COL6A6: variants seen among roughly 807,000 people sequenced by gnomAD.
COL6A6 encodes the protein collagen type VI alpha 6 chain.
A neutral mutation model predicts 208.6 loss-of-function variants in COL6A6; 183 were observed. The observed-to-expected ratio is 0.88, with a 90% CI of 0.78 to 0.99. The LOEUF (loss-of-function observed/expected upper bound fraction) is 0.99. Ranked by LOEUF, COL6A6 falls within the 50% of genes least tolerant of loss-of-function variation. The pLI, the probability that COL6A6 is intolerant of heterozygous loss-of-function variation, is 0.00. For synonymous variants in COL6A6, 973 were observed against 1,011.8 expected (o/e 0.96, Z 0.73); for missense variants, 2,816 against 2,815.2 (o/e 1.00, Z -0.01).
chr3:130,673,867 A>C (rs952640004), intron 36 of COL6A6, among the ~76,000 whole-genome samples: 1 of 152,108 alleles, frequency 6.6e-6, no homozygotes, highest in Non-Finnish European at 1.5e-5. Context: ...TGAGGCAGGA[A>C]GATCACTTGA....
rs1320345355 is a variant in COL6A6 at position 130,649,257 on chromosome 3, A to G, written c.5428A>G (p.Arg1810Gly). ...CATCCTCTCCTATAACTCCCACGCC[A>G]GGCACCTTGTGCGCTTCTCAGACGC... ...IAILSYNSHA[R>G]HLVRFSDAYK... Residue 1810 changes from arginine (R) to glycine (G), a missense_variant, in exon 33 of 37, where the codon AGG becomes GGG. By Grantham distance (125) the Arg-to-Gly change is moderately radical (BLOSUM62 -2). Coordinates refer to ENST00000358511, the MANE Select transcript of COL6A6 (RefSeq NM_001102608.3). 1 of 1,598,970 alleles carries G rather than the reference A, an allele frequency of 6.3e-7. No individual in the cohort carries two copies. Among genetic ancestry groups the G allele is most frequent in the Non-Finnish European group, 8.5e-7 (1 of 1,172,870 alleles).
intron 32 of COL6A6, among the ~76,000 whole-genome samples, chr3:130,646,070 C>T (rs181350237): frequency 6.6e-6 from 1 of 152,262 alleles, no homozygotes; most frequent in Non-Finnish European, 1.5e-5. Flanking sequence ...CAAAGGGAAG[C>T]CCAGCACATT....
intron 28 of COL6A6, 144 bp downstream of exon 28, chr3:130,635,905 G>A: frequency 1.6e-6 from 1 of 628,158 alleles, no homozygotes; most frequent in Non-Finnish European, 2.8e-6. Context: ...TTGGGGAAGG[G>A]GAATGGATAG....
rs767522062 is a variant in COL6A6 at position 130,565,069 on chromosome 3, A to T, written c.737A>T (p.Asp246Val). The T allele has an allele frequency of 5.6e-5, 90 of 1,613,860 alleles. 3 individuals carry two copies. The South Asian group carries it at 9.9e-4, about 18-fold the overall frequency. Residue 246 changes from aspartate (D) to valine (V), a missense_variant, in exon 4 of 37, where the codon GAC becomes GTC. Transcript: ENST00000358511. ...ATCAATGGAAGTGAGGAGAACTTTG[A>T]CTATCTTAAAGGATTCTTGGAAGAA... Reference protein sequence around the residue: ...MSINGSEENFDYLKGFLEESV... With the variant: ...MSINGSEENFVYLKGFLEESV...
chr3:130,643,007 T>A lies in COL6A6; in HGVS notation c.5211T>A (p.Tyr1737Ter). 1.2e-6 allele frequency: 2 copies of A among 1,613,878 alleles called. No homozygotes were observed. The highest frequency in any genetic ancestry group is 1.7e-6 in the Non-Finnish European group (2 of 1,179,748). ...ASFSTCELIQ[Y>*]VRDRSPGRHG... ...TGCAGACATGTGAGCTCATTCAGTA[T>A]GTGCGAGACCGCAGTCGTAAGTACC... Residue 1737 changes from tyrosine (Y) to a stop codon, truncating the protein, a stop_gained, in exon 31 of 37, where the codon TAT (tyrosine) becomes TAA (stop). Transcript: ENST00000358511. LOFTEE classifies it high-confidence loss of function.
intron 18 of COL6A6, among the ~76,000 whole-genome samples, chr3:130,596,408 T>C (rs1280328572): frequency 6.6e-6 from 1 of 152,202 alleles, no homozygotes; most frequent in Non-Finnish European, 1.5e-5. Context: ...GTGTAACATA[T>C]TTTAAAGAGT....
chr3:130,589,063 G>A (rs889932147), intron 11 of COL6A6, 27 bp from the exon 12 acceptor site: 4 of 1,575,826 alleles, frequency 2.5e-6, no homozygotes, highest in Admixed American at 1.7e-5. Flanking sequence ...ACCACCAAAT[G>A]TAATGTATTT....
chr3:130,676,129 C>T lies in COL6A6; in HGVS notation c.*732C>T, dbSNP rs1480808979. ...TCTAGTCTGTCTTTCCTGTTATGGT[C>T]ATTTATTAATTTTCACTAATCCATA... On this transcript the variant is annotated 3_prime_UTR_variant, in exon 37 of 37. Coordinates refer to ENST00000358511, the MANE Select transcript of COL6A6 (RefSeq NM_001102608.3). The T allele has an allele frequency of 1.3e-5, 2 of 152,154 alleles. No homozygotes were observed. The highest frequency in any genetic ancestry group is 2.9e-5 in the Non-Finnish European group (2 of 68,018). The allele number at this position is 152,154 out of a possible 1,614,324, so 9.4% of individuals were successfully genotyped here.
At chr3:130,647,867 C>T (rs1267336280) in intron 32 of COL6A6, among the ~76,000 whole-genome samples, 1 of 152,232 alleles carries the variant, frequency 6.6e-6, no homozygotes, top group Non-Finnish European at 1.5e-5. Flanking sequence ...AACCAAATCC[C>T]AGCACTAGGC....
intron 36 of COL6A6, among the ~76,000 whole-genome samples, chr3:130,668,818 A>G (rs1429008103): frequency 6.6e-6 from 1 of 152,228 alleles, no homozygotes; most frequent in Non-Finnish European, 1.5e-5. Flanking sequence ...TCAGTATACT[A>G]GTTTGAATAT....
intron 1 of COL6A6, among the ~76,000 whole-genome samples, chr3:130,549,857 A>C (rs549948440): frequency 3.6e-4 from 55 of 152,262 alleles, no homozygotes; most frequent in Non-Finnish European, 7.4e-4. Flanking sequence ...TGCCTTGGCT[A>C]TTTAGGCTCT....
rs1439270717 is a variant in COL6A6, at chr3:130,592,603, A to G, written c.4335A>G (p.Lys1445=). The G allele has an allele frequency of 3.7e-5, 59 of 1,613,342 alleles. No individual in the cohort carries two copies. Among genetic ancestry groups the G allele is most frequent in the Non-Finnish European group, 2.8e-5 (33 of 1,179,516 alleles). Residue 1445 remains lysine, a synonymous_variant, in exon 14 of 37, where the codon AAA becomes AAG. Coordinates refer to ENST00000358511, the MANE Select transcript of COL6A6 (RefSeq NM_001102608.3). ...EQGTKGCYGT[K]GPKGNRGLNG... ...GTACTAAGGGATGCTATGGCACCAAAGGTCCTAAGGTAAGGATTGCATAAG... is the reference window on the plus strand; with the variant it reads ...GTACTAAGGGATGCTATGGCACCAAGGGTCCTAAGGTAAGGATTGCATAAG...
In COL6A6 at chr3:130,582,020, G is replaced by C. The variant is rs1028464821; in HGVS notation, c.3922G>C (p.Asp1308His). Residue 1308 changes from aspartate (D) to histidine (H), a missense_variant, in exon 10 of 37, where the codon GAT becomes CAT. Physicochemically the swap from Asp to His is moderately conservative, Grantham distance 81. Transcript: ENST00000358511. ...CCTTTTATTTTCAGATGGATTGGAT[G>C]ATGATGTTGAGAAACTTGAACAAAA... ...VVLLFSDGLD[D>H]DVEKLEQKSD... 1 of 1,610,020 alleles carries C rather than the reference G, an allele frequency of 6.2e-7. No homozygotes were observed. Among genetic ancestry groups the C allele is most frequent in the African/African-American group, 1.3e-5 (1 of 74,780 alleles).
At chr3:130,575,054 G>A (rs930759119) in intron 8 of COL6A6, among the ~76,000 whole-genome samples, 1 of 152,124 alleles carries the variant, frequency 6.6e-6, no homozygotes, top group Non-Finnish European at 1.5e-5. Context: ...GTGTCTTAAA[G>A]GAGAAGTCAC....
chr3:130,569,788 C>T (rs2063116488), intron 6 of COL6A6, among the ~76,000 whole-genome samples: 1 of 152,212 alleles, frequency 6.6e-6, no homozygotes, highest in Non-Finnish European at 1.5e-5. Context: ...TTCCCAAGTA[C>T]AGCCAGCCTT....
rs2061934125 is a variant in COL6A6 at position 130,525,130 on chromosome 3, C to T, written c.-32+7733C>T. On this transcript the variant is annotated intron_variant, in intron 1 of 36. Coordinates refer to ENST00000358511, the MANE Select transcript of COL6A6 (RefSeq NM_001102608.3). ...ATCAATTGCTCAAATCACAGCTGGCCAATGAAAGAGATTTGAATTCTGGAT... is the reference window on the plus strand; with the variant it reads ...ATCAATTGCTCAAATCACAGCTGGCTAATGAAAGAGATTTGAATTCTGGAT... 2.0e-5 allele frequency among the ~76,000 whole-genome samples: 3 copies of T among 149,962 alleles called. No individual in the cohort carries two copies. In the South Asian group the frequency reaches 6.2e-4, roughly 31 times the overall value.
chr3:130,570,798 CCT>C lies in COL6A6; in HGVS notation c.2402-13_2402-12del. On this transcript the variant is annotated intron_variant, in intron 6 of 36. Transcript: ENST00000358511. ...TCCAAAGCTAATCTCATATGGTTTA[CCT>C]CTCTCTTCCTCTTTCAGAATGCAAG... is the stretch of plus-strand genomic sequence containing the variant. 1 of 1,583,000 alleles carries C rather than the reference CCT, an allele frequency of 6.3e-7. No homozygotes were observed.
chr3:130,666,677 G>C (rs1324903710), intron 36 of COL6A6, among the ~76,000 whole-genome samples: 2 of 152,114 alleles, frequency 1.3e-5, no homozygotes, highest in African/African-American at 4.8e-5. Flanking sequence ...TGCTGAAATA[G>C]AATGCAGAGA....
chr3:130,643,042 A>G lies in COL6A6; in HGVS notation c.5227+19A>G. On this transcript the variant is annotated intron_variant, in intron 31 of 36. Coordinates refer to ENST00000358511, the MANE Select transcript of COL6A6 (RefSeq NM_001102608.3). ...CGCAGTCGTAAGTACCCTGCTTAAAATGATCACCCAAGTTGTCAGCATTCA... is the reference window on the plus strand; with the variant it reads ...CGCAGTCGTAAGTACCCTGCTTAAAGTGATCACCCAAGTTGTCAGCATTCA... 1.2e-6 allele frequency: 2 copies of G among 1,611,280 alleles called. No individual in the cohort carries two copies. Among genetic ancestry groups the G allele is most frequent in the South Asian group, 1.1e-5 (1 of 90,938 alleles).
Sources: allele counts gnomAD v4.1 joint callset (sites outside exome capture counted in the v4.1 genomes callset), GRCh38; gene constraint gnomAD v4.1.1; transcripts MANE v1.5; gene names NCBI Gene and HGNC (gene_info 2026-07-23, HGNC 2026-07-21).